BCAS3: variants seen among roughly 807,000 people sequenced by gnomAD.
BCAS3 encodes BCAS4/BCAS3 fusion.
BCAS3 carries 53 observed loss-of-function variants against 116.1 expected under a neutral mutation model. The observed-to-expected ratio is 0.46, with a 90% confidence interval of 0.37 to 0.57. BCAS3 has a LOEUF of 0.57. Ranked by LOEUF, BCAS3 falls within the 20% of genes least tolerant of loss-of-function variation. The pLI, the probability that BCAS3 is intolerant of heterozygous loss-of-function variation, is 0.00. For synonymous variants in BCAS3, 391 were observed against 408.2 expected (o/e 0.96, Z 0.51); for missense variants, 917 against 1,165.4 (o/e 0.79, Z 3.10).
At chr17:61,206,789 G>A (rs1211525181) in intron 22 of BCAS3, among the ~76,000 whole-genome samples, 4 of 104,016 alleles carry the variant, frequency 3.8e-5, no homozygotes, top group Non-Finnish European at 5.4e-5. Context: ...CAACAAGAGC[G>A]AAACTCTGTC....
intron 7 of BCAS3, among the ~76,000 whole-genome samples, chr17:60,816,628 T>C (rs1010000296): frequency 6.6e-6 from 1 of 152,164 alleles, no homozygotes; most frequent in Non-Finnish European, 1.5e-5. Flanking sequence ...GGAATTGCTA[T>C]GGAAAGTGTC....
chr17:61,182,116 C>T (rs2079519358), intron 22 of BCAS3, among the ~76,000 whole-genome samples: 1 of 152,166 alleles, frequency 6.6e-6, no homozygotes, highest in African/African-American at 2.4e-5. Context: ...TCAAGTGATC[C>T]TCCCACTTTG....
chr17:61,309,104 A>G lies in BCAS3; in HGVS notation c.2426-59223A>G, dbSNP rs923824251. ...GAGTCCGTGATTCTTGACTGAAACA[A>G]GGGTTAGTTCCCTACCTCCATGCCC... On this transcript the variant is annotated intron_variant, in intron 22 of 23. Coordinates refer to ENST00000407086, the MANE Select transcript of BCAS3 (RefSeq NM_017679.5). The surrounding 1 kb of genome is among the most constrained non-coding windows in gnomAD (Gnocchi z 4.6). Among the ~76,000 whole-genome samples the G allele has an allele frequency of 4.6e-5, 7 of 151,778 alleles. No homozygotes were observed. The highest frequency in any genetic ancestry group is 1.7e-4 in the African/African-American group (7 of 41,108).
rs2078165558 is a variant in BCAS3, at chr17:61,161,480, A to G, written c.2425+76916A>G. 6.6e-6 allele frequency among the ~76,000 whole-genome samples: 1 copy of G among 152,240 alleles called. No homozygotes were observed. The highest frequency in any genetic ancestry group is 1.5e-5 in the Non-Finnish European group (1 of 68,042). On this transcript the variant is annotated intron_variant, in intron 22 of 23. Transcript: ENST00000407086. The surrounding 1 kb of genome is among the most constrained non-coding windows in gnomAD (Gnocchi z 4.8). The stretch of plus-strand genomic sequence containing the variant: ...AGCGTTTTCAAATTTATTCTTTAAA[A>G]GACAGAGATAGTGGCACAAAATGTG...
At chr17:61,015,167 G>T (rs1314392755) in intron 15 of BCAS3, among the ~76,000 whole-genome samples, 1 of 152,196 alleles carries the variant, frequency 6.6e-6, no homozygotes, top group Non-Finnish European at 1.5e-5. Flanking sequence ...TGGATGTAAG[G>T]ACCTAAGCAG....
At chr17:60,714,809 C>T (rs1374123813) in intron 5 of BCAS3, among the ~76,000 whole-genome samples, 2 of 152,262 alleles carry the variant, frequency 1.3e-5, no homozygotes, top group Admixed American at 1.3e-4. Flanking sequence ...AAAAGCAGAA[C>T]TGTGCAGTAG....
intron 6 of BCAS3, among the ~76,000 whole-genome samples, chr17:60,768,645 T>C (rs1396985662): frequency 6.6e-6 from 1 of 152,226 alleles, no homozygotes; most frequent in Non-Finnish European, 1.5e-5. Flanking sequence ...TAGAGAACCC[T>C]GACTAATATG....
At chr17:60,790,240 T>C (rs2046644175) in intron 6 of BCAS3, among the ~76,000 whole-genome samples, 1 of 152,212 alleles carries the variant, frequency 6.6e-6, no homozygotes, top group Non-Finnish European at 1.5e-5. Context: ...AGTTCTTCAA[T>C]TCAGGTTTGA....
intron 19 of BCAS3, among the ~76,000 whole-genome samples, chr17:61,062,819 G>A (rs1328235426): frequency 6.6e-6 from 1 of 152,090 alleles, no homozygotes; most frequent in Non-Finnish European, 1.5e-5. Context: ...AAAAATGGAT[G>A]CCCTTTAATG....
At position 60,773,420 on chromosome 17, in the gene BCAS3, G is replaced by A. The variant is rs569018052; in HGVS notation, c.403+26141G>A. On this transcript the variant is annotated intron_variant, in intron 6 of 23. Coordinates refer to ENST00000407086, the MANE Select transcript of BCAS3 (RefSeq NM_017679.5). ...AGTCCTCCCAACTCAGCCTTCCCAA[G>A]TAGCTGAGACTATAGGCAAGCACCG... Among the ~76,000 whole-genome samples, 7 of 149,896 alleles carry A rather than the reference G, an allele frequency of 4.7e-5. 1 individual carries two copies. The South Asian group carries it at 1.5e-3, about 32-fold the overall frequency.
At chr17:60,947,144 G>T in intron 13 of BCAS3, 75 bp from the exon 14 acceptor site, 4 of 1,401,298 alleles carry the variant, frequency 2.9e-6, no homozygotes, top group South Asian at 1.4e-5. Context: ...TTTAAATATT[G>T]TGAATAGCTT....
intron 7 of BCAS3, among the ~76,000 whole-genome samples, chr17:60,819,678 T>C (rs1291022181): frequency 6.6e-6 from 1 of 152,144 alleles, no homozygotes; most frequent in African/African-American, 2.4e-5. Context: ...TTAAATAAAA[T>C]AACACATGTG....
At chr17:61,153,539 C>A (rs998418824) in intron 22 of BCAS3, among the ~76,000 whole-genome samples, 4 of 152,192 alleles carry the variant, frequency 2.6e-5, no homozygotes, top group African/African-American at 9.7e-5. Flanking sequence ...TGTAAGGTAG[C>A]ATCTCCTATT....
intron 12 of BCAS3, among the ~76,000 whole-genome samples, chr17:60,922,746 C>T (rs2059172871): frequency 2.0e-5 from 3 of 152,220 alleles, no homozygotes; most frequent in South Asian, 2.1e-4. Context: ...TAAAGTCATG[C>T]GGAGTATTTC....
At chr17:61,129,070 G>C (rs1044558730) in intron 22 of BCAS3, among the ~76,000 whole-genome samples, 1 of 152,194 alleles carries the variant, frequency 6.6e-6, no homozygotes, top group South Asian at 2.1e-4. Context: ...GTGCTGTTTT[G>C]ATAGAGGATC....
intron 22 of BCAS3, among the ~76,000 whole-genome samples, chr17:61,152,072 G>A (rs1023430263): frequency 3.9e-5 from 6 of 152,208 alleles, no homozygotes; most frequent in East Asian, 1.9e-4. Flanking sequence ...CTTCAAGACC[G>A]TGGACCTTGG....
Position 61,097,271 on chromosome 17 carries a change from C to T in BCAS3, c.2425+12707C>T, listed in dbSNP as rs776435472. Among the ~76,000 whole-genome samples, 43 of 152,158 alleles carry T rather than the reference C, an allele frequency of 2.8e-4. No homozygotes were observed. Among genetic ancestry groups the T allele is most frequent in the Middle Eastern group, 3.2e-3 (1 of 316 alleles). On this transcript the variant is annotated intron_variant, in intron 22 of 23. Coordinates refer to ENST00000407086, the MANE Select transcript of BCAS3 (RefSeq NM_017679.5). This position sits in a 1 kb window ranked among gnomAD's most constrained non-coding sequence, Gnocchi z 4.0. ...TCGGCTCACTGCAAGCTCCACCTCC[C>T]GGGTTCATGCCATTCTCTTGCCTCA...
intron 14 of BCAS3, among the ~76,000 whole-genome samples, chr17:60,975,102 C>T (rs1221823955): frequency 1.3e-5 from 2 of 151,176 alleles, no homozygotes; most frequent in Non-Finnish European, 1.5e-5. Context: ...CCCGGGTTCA[C>T]GCCATTCTCC....
chr17:61,371,849 G>A lies in BCAS3; in HGVS notation c.2593+3355G>A, dbSNP rs537135621. Reference sequence around the variant, plus strand: ...GTCTGCATTTCAGCAGGATCCCTGCGCATGCTGAAGTTTGAGAAGGTCAGT... The same window carrying A: ...GTCTGCATTTCAGCAGGATCCCTGCACATGCTGAAGTTTGAGAAGGTCAGT... On this transcript the variant is annotated intron_variant, in intron 23 of 23. Transcript: ENST00000407086. 8.6e-4 allele frequency among the ~76,000 whole-genome samples: 131 copies of A among 152,312 alleles called. 1 individual carries two copies. The highest frequency in any genetic ancestry group is 2.7e-3 in the African/African-American group (114 of 41,570).
Sources: allele counts gnomAD v4.1 joint callset (sites outside exome capture counted in the v4.1 genomes callset), GRCh38; gene constraint gnomAD v4.1.1; non-coding constraint Gnocchi (gnomAD v3.1); transcripts MANE v1.5; gene names NCBI Gene and HGNC (gene_info 2026-07-23, HGNC 2026-07-21).